Variants in CDYL observed in about 807,000 individuals in gnomAD.
CDYL encodes the protein chromodomain Y like.
A neutral mutation model predicts 47.3 loss-of-function variants in CDYL; 8 were observed. The ratio of observed to expected loss-of-function variants is 0.17; its 90% CI spans 0.10 to 0.31. The LOEUF is 0.31. Among genes scored for constraint, CDYL ranks in the 10% least tolerant of loss-of-function variants. The probability of loss-of-function intolerance (pLI) is 1.00; values close to 1 mark genes in which losing one functional copy is unlikely to be tolerated. For synonymous variants in CDYL, 266 were observed against 265.0 expected (o/e 1.00, Z -0.04); for missense variants, 471 against 701.4 (o/e 0.67, Z 3.71).
At chr6:4,846,199 AGGTGG>A (rs1330345312) in intron 1 of CDYL, among the ~76,000 whole-genome samples, 11 of 150,556 alleles carry the variant, frequency 7.3e-5, no homozygotes, top group Non-Finnish European at 1.2e-4. Flanking sequence ...AAAAAAAAAA[AGGTGG>A]ATATGGCTAT....
intron 1 of CDYL, among the ~76,000 whole-genome samples, chr6:4,800,340 A>G (rs1384549078): frequency 6.6e-6 from 1 of 152,074 alleles, no homozygotes; most frequent in African/African-American, 2.4e-5. Flanking sequence ...ATCACTTTGG[A>G]TAAGACATAT....
intron 2 of CDYL, among the ~76,000 whole-genome samples, chr6:4,925,647 C>T (rs1228703182): frequency 6.6e-6 from 1 of 151,940 alleles, no homozygotes; most frequent in Non-Finnish European, 1.5e-5. Flanking sequence ...CGATCTCCTG[C>T]CCTCGTGATC....
intron 1 of CDYL, among the ~76,000 whole-genome samples, chr6:4,802,359 G>A (rs185306421): frequency 9.1e-4 from 139 of 152,216 alleles, no homozygotes; most frequent in Non-Finnish European, 1.7e-3. Context: ...GCAACATAGT[G>A]AGACCCCGTC....
Position 4,736,879 on chromosome 6 carries a change from CTTTG to C in CDYL, c.186+2039_186+2042del, listed in dbSNP as rs1324538136. On this transcript the variant is annotated intron_variant, in intron 3 of 8. Coordinates refer to the CDYL transcript ENST00000328908. ...AATTACATCTATCATGTTTCAAGTGCTTTGTTTATCGATATAGTGGTAAACAGAA... is the reference window on the plus strand; with the variant it reads ...AATTACATCTATCATGTTTCAAGTGCTTTATCGATATAGTGGTAAACAGAA... 2.0e-5 allele frequency among the ~76,000 whole-genome samples: 3 copies of C among 152,112 alleles called. No individual in the cohort carries two copies. In the East Asian group the frequency reaches 5.8e-4, roughly 29 times the overall value.
intron 1 of CDYL, among the ~76,000 whole-genome samples, chr6:4,818,190 G>A (rs1038838995): frequency 3.3e-5 from 5 of 152,098 alleles, no homozygotes; most frequent in African/African-American, 1.2e-4. Flanking sequence ...TGGAGGTCGA[G>A]GCTGCAGTGA....
chr6:4,897,814 G>A (rs1165016810), intron 2 of CDYL, among the ~76,000 whole-genome samples: 1 of 79,016 alleles, frequency 1.3e-5, no homozygotes, highest in Non-Finnish European at 3.0e-5. Flanking sequence ...AATTATCCAG[G>A]CATGAGGCCA....
At chr6:4,854,420 G>A (rs558774159) in intron 1 of CDYL, among the ~76,000 whole-genome samples, 1 of 152,306 alleles carries the variant, frequency 6.6e-6, no homozygotes, top group African/African-American at 2.4e-5. Flanking sequence ...TTTCTCCCCA[G>A]CACAAAGGAC....
chr6:4,913,924 T>G (rs1383470068), intron 2 of CDYL, among the ~76,000 whole-genome samples: 1 of 152,234 alleles, frequency 6.6e-6, no homozygotes, highest in Admixed American at 6.5e-5. Flanking sequence ...CCACCCAAGT[T>G]CTTACCTGTC....
intron 2 of CDYL, among the ~76,000 whole-genome samples, chr6:4,898,715 G>T (rs1231970136): frequency 6.6e-6 from 1 of 152,162 alleles, no homozygotes; most frequent in South Asian, 2.1e-4. Flanking sequence ...CAGAGTTTCA[G>T]GCATAGAGCC....
chr6:4,947,741 T>G (rs1342511512), intron 5 of CDYL, among the ~76,000 whole-genome samples: 1 of 152,078 alleles, frequency 6.6e-6, no homozygotes, highest in Non-Finnish European at 1.5e-5. Flanking sequence ...GTAGATTAGG[T>G]GCCAGCGTCC....
chr6:4,904,310 C>T (rs188827567), intron 2 of CDYL, among the ~76,000 whole-genome samples: 2 of 152,212 alleles, frequency 1.3e-5, no homozygotes, highest in African/African-American at 4.8e-5. Flanking sequence ...ATAGTGAATA[C>T]CCATCTCCTC....
chr6:4,931,120 G>T (rs1758022853), intron 2 of CDYL, among the ~76,000 whole-genome samples: 1 of 152,202 alleles, frequency 6.6e-6, no homozygotes, highest in South Asian at 2.1e-4. Context: ...TAAATTGAGG[G>T]ATCTGGACTA....
chr6:4,770,637 G>A (rs1433797493), intron 3 of CDYL, among the ~76,000 whole-genome samples: 1 of 152,104 alleles, frequency 6.6e-6, no homozygotes, highest in Admixed American at 6.5e-5. Context: ...ACATTGTGTG[G>A]AAAGATAAGG....
rs1757246789 is a variant in CDYL, at chr6:4,715,841, C to CT, written c.63_64insT (p.Glu22Ter). 6 of 1,614,158 alleles carry CT rather than the reference C, an allele frequency of 3.7e-6. No individual in the cohort carries two copies. In the East Asian group the frequency reaches 1.3e-4, roughly 36 times the overall value. ...AAAGCAGGAAGAAAAACTGGCAATA[C>CT]GAGGGCCCAACCCAAAAGTTATTCC... On this transcript the variant is annotated frameshift_variant, in exon 2 of 9. Coordinates refer to the CDYL transcript ENST00000328908. LOFTEE classifies it high-confidence loss of function.
intron 1 of CDYL, among the ~76,000 whole-genome samples, chr6:4,801,303 C>T (rs879074232): frequency 2.0e-5 from 3 of 152,102 alleles, no homozygotes; most frequent in African/African-American, 7.2e-5. Context: ...GTTTTTCAGA[C>T]GTTTTTGAAA....
At chr6:4,914,783 A>G (rs1757509853) in intron 2 of CDYL, among the ~76,000 whole-genome samples, 1 of 152,236 alleles carries the variant, frequency 6.6e-6, no homozygotes, top group African/African-American at 2.4e-5. Context: ...CGGGGCCCAC[A>G]CATGGCCCAC....
intron 1 of CDYL, among the ~76,000 whole-genome samples, chr6:4,867,461 A>G (rs1017045603): frequency 2.0e-5 from 3 of 152,060 alleles, no homozygotes; most frequent in Middle Eastern, 3.2e-3. Flanking sequence ...TAGGGTTTTT[A>G]TAGATTTCCT....
chr6:4,752,095 C>A (rs1437669416), intron 3 of CDYL, among the ~76,000 whole-genome samples: 1 of 152,230 alleles, frequency 6.6e-6, no homozygotes, highest in Non-Finnish European at 1.5e-5. Flanking sequence ...AATAATGGGT[C>A]TGGGGCAATT....
intron 1 of CDYL, among the ~76,000 whole-genome samples, chr6:4,865,916 G>C (rs565590887): frequency 7.9e-5 from 12 of 152,296 alleles, no homozygotes; most frequent in African/African-American, 2.9e-4. Flanking sequence ...GATTTGAACA[G>C]CTACAGTTTT....
Sources: allele counts gnomAD v4.1 joint callset (sites outside exome capture counted in the v4.1 genomes callset), GRCh38; gene constraint gnomAD v4.1.1; transcripts MANE v1.5; gene names NCBI Gene and HGNC (gene_info 2026-07-23, HGNC 2026-07-21).